ERO1A: variants seen among roughly 807,000 people sequenced by gnomAD.
ERO1A encodes the protein endoplasmic reticulum oxidoreductase 1 alpha.
Under a neutral mutation model 76.9 loss-of-function variants are expected in ERO1A, and 49 were observed. The observed-to-expected ratio is 0.64, with a 90% confidence interval of 0.51 to 0.81. The LOEUF (loss-of-function observed/expected upper bound fraction) is 0.81, where lower values mean the gene tolerates loss of function less well. Among genes scored for constraint, ERO1A ranks in the 30% least tolerant of loss-of-function variants. The pLI, the probability that ERO1A is intolerant of heterozygous loss-of-function variation, is 0.00. For missense variants in ERO1A, 448 were observed against 542.1 expected, an observed-to-expected ratio of 0.83 and a Z score of 1.72; for synonymous variants, 174 against 181.2, an observed-to-expected ratio of 0.96 and a Z score of 0.32.
intron 6 of ERO1A, among the ~76,000 whole-genome samples, chr14:52,671,157 A>T (rs1264971668): frequency 6.6e-6 from 1 of 152,212 alleles, no homozygotes; most frequent in Admixed American, 6.5e-5. Flanking sequence ...TCCGTGTTGT[A>T]GTATGTACCA....
At chr14:52,670,836 T>A in intron 6 of ERO1A, among the ~76,000 whole-genome samples, 1 of 152,198 alleles carries the variant, frequency 6.6e-6, no homozygotes, top group East Asian at 1.9e-4. Context: ...TGAGTTTTTT[T>A]AACTGTAATA....
intron 12 of ERO1A, among the ~76,000 whole-genome samples, chr14:52,652,830 T>G (rs1315379846): frequency 2.0e-5 from 3 of 151,974 alleles, no homozygotes; most frequent in East Asian, 1.9e-4. Context: ...AAACCCCATC[T>G]CTACAAAAAA....
intron 15 of ERO1A, among the ~76,000 whole-genome samples, chr14:52,645,196 G>C (rs1166297881): frequency 1.3e-5 from 2 of 150,964 alleles, no homozygotes; most frequent in Non-Finnish European, 2.9e-5. Context: ...AAAATAATTG[G>C]ATAAAAAAAC....
At chr14:52,651,947 C>T (rs1232843349) in intron 13 of ERO1A, among the ~76,000 whole-genome samples, 3 of 151,826 alleles carry the variant, frequency 2.0e-5, no homozygotes, top group Non-Finnish European at 4.4e-5. Flanking sequence ...TCCCCATCCA[C>T]TCCCCACCCC....
chr14:52,694,173 G>A (rs755528716), intron 1 of ERO1A, among the ~76,000 whole-genome samples: 6 of 151,948 alleles, frequency 3.9e-5, no homozygotes, highest in Non-Finnish European at 2.9e-5. Context: ...TTTTTTAAAT[G>A]TTTAATCTCG....
intron 1 of ERO1A, among the ~76,000 whole-genome samples, chr14:52,684,648 G>A (rs144103796): frequency 5.3e-5 from 8 of 152,238 alleles, no homozygotes; most frequent in African/African-American, 1.9e-4. Context: ...TAGTAACAAT[G>A]AAACAGCAAA....
At position 52,646,511 on chromosome 14, in the gene ERO1A, A is replaced by C. The variant is rs375367535; in HGVS notation, c.1126-50T>G. The C allele has an allele frequency of 3.6e-5, 52 of 1,432,074 alleles. No homozygotes were observed. The African/African-American group carries it at 7.2e-4, about 20-fold the overall frequency. 88.7% of individuals were successfully genotyped at this position (1,432,074 alleles called of 1,614,324 possible). ...ATTAAGATGTAATATACAGTCAATT[A>C]GTAAGTATTTTCTGAGCAGGTTCTA... On this transcript the variant is annotated intron_variant, in intron 13 of 15. Coordinates refer to ENST00000395686, the MANE Select transcript of ERO1A (RefSeq NM_014584.3).
intron 6 of ERO1A, among the ~76,000 whole-genome samples, chr14:52,669,617 G>C (rs532019131): frequency 9.2e-5 from 14 of 152,028 alleles, no homozygotes; most frequent in Non-Finnish European, 1.8e-4. Context: ...ACTCCAGCTG[G>C]ACCTGGGGGA....
At chr14:52,658,199 A>C in intron 9 of ERO1A, 49 bp from the exon 10 acceptor site, 2 of 1,351,242 alleles carry the variant, frequency 1.5e-6, no homozygotes, top group Middle Eastern at 2.4e-4. Flanking sequence ...ATGCCAAAAT[A>C]CAAGTTTTTC....
At chr14:52,645,302 CTTT>C (rs35036293) in intron 15 of ERO1A, among the ~76,000 whole-genome samples, 7 of 130,388 alleles carry the variant, frequency 5.4e-5, no homozygotes, top group Admixed American at 7.8e-5. Flanking sequence ...CATATACACA[CTTT>C]TTTTTTTTTT....
chr14:52,694,841 A>C (rs2041493183), intron 1 of ERO1A, among the ~76,000 whole-genome samples: 1 of 152,212 alleles, frequency 6.6e-6, no homozygotes. Context: ...GGGCAACTGC[A>C]GTCCCAAAGA....
intron 4 of ERO1A, among the ~76,000 whole-genome samples, chr14:52,674,909 G>A (rs1214682993): frequency 1.3e-5 from 2 of 152,124 alleles, no homozygotes; most frequent in Non-Finnish European, 2.9e-5. Flanking sequence ...AACAAATATT[G>A]GACTCTAGTT....
intron 11 of ERO1A, among the ~76,000 whole-genome samples, chr14:52,653,796 A>C (rs1232948905): frequency 6.6e-6 from 1 of 151,944 alleles, no homozygotes; most frequent in Admixed American, 6.6e-5. Context: ...CTGAGTCTTA[A>C]AATTCTGAGT....
chr14:52,678,667 G>A (rs2040884039), intron 3 of ERO1A, among the ~76,000 whole-genome samples, 195 bp from the exon 4 acceptor site: 2 of 152,158 alleles, frequency 1.3e-5, no homozygotes, highest in Admixed American at 6.5e-5. Context: ...ATGGATTGCT[G>A]AGCATACATT....
intron 7 of ERO1A, 42 bp from the exon 8 acceptor site, chr14:52,663,889 A>G (rs2040315151): frequency 1.8e-6 from 2 of 1,138,678 alleles, no homozygotes; most frequent in African/African-American, 3.1e-5. Context: ...CAAATATGTT[A>G]CCAATCATGT....
chr14:52,673,224 G>C (rs539900118), intron 4 of ERO1A, among the ~76,000 whole-genome samples: 1 of 152,116 alleles, frequency 6.6e-6, no homozygotes, highest in African/African-American at 2.4e-5. Context: ...TGAGTAGCTA[G>C]GACTACAGGT....
chr14:52,647,347 T>A (rs545451603), intron 13 of ERO1A, among the ~76,000 whole-genome samples: 37 of 151,626 alleles, frequency 2.4e-4, no homozygotes, highest in Admixed American at 2.4e-3. Context: ...CTGGTATGAA[T>A]AAGGTAAACA....
chr14:52,675,633 G>T (rs1275607655), intron 4 of ERO1A, among the ~76,000 whole-genome samples: 7 of 152,038 alleles, frequency 4.6e-5, no homozygotes, highest in African/African-American at 1.7e-4. Flanking sequence ...ATTGCAATTT[G>T]CTAAATCCCC....
At chr14:52,653,401 T>G (rs1237902254) in intron 11 of ERO1A, 86 bp from the exon 12 acceptor site, 2 of 1,044,726 alleles carry the variant, frequency 1.9e-6, no homozygotes, top group African/African-American at 1.6e-5. Context: ...CCTATAGAAG[T>G]TAATTTCATT....
Sources: gnomAD v4.1 joint callset for allele counts (sites outside exome capture counted in the v4.1 genomes callset) on GRCh38, gnomAD v4.1.1 for gene constraint, MANE v1.5 for transcripts, NCBI Gene and HGNC (gene_info 2026-07-23, HGNC 2026-07-21) for gene names.